Variants in LRRC56 observed in about 807,000 individuals in gnomAD.
LRRC56 encodes leucine rich repeat containing 56.
A neutral mutation model predicts 47.8 loss-of-function variants in LRRC56; 41 were observed. That is an observed-to-expected ratio of 0.86 (90% CI 0.67 to 1.11). The LOEUF (loss-of-function observed/expected upper bound fraction) is 1.11, where lower values mean the gene tolerates loss of function less well. Ranked by LOEUF, LRRC56 falls within the 50% of genes most tolerant of loss-of-function variation. LRRC56 has a pLI of 0.00. For missense variants in LRRC56, 759 were observed against 704.2 expected, an observed-to-expected ratio of 1.08 and a Z score of -0.88; for synonymous variants, 387 against 311.2, an observed-to-expected ratio of 1.24 and a Z score of -2.56.
upstream of LRRC56, chr11:535,566 C>A (rs1382465696): frequency 6.7e-6 from 1 of 149,410 alleles, no homozygotes; most frequent in Non-Finnish European, 1.5e-5. Context: ...GGCGGAGACT[C>A]GGGCGGGCCT....
chr11:525,106 A>AG, the LRRC56 span, among the ~76,000 whole-genome samples: 1 of 151,158 alleles, frequency 6.6e-6, no homozygotes, highest in East Asian at 1.9e-4. Context: ...AAAAAAAAAA[A>AG]AAATAGACAA....
chr11:511,945 C>T, the LRRC56 span, among the ~76,000 whole-genome samples: 4 of 151,630 alleles, frequency 2.6e-5, no homozygotes, highest in South Asian at 2.1e-4. Context: ...GGTTAGGAGG[C>T]GAATTTTTTT....
At position 549,982 on chromosome 11, in the gene LRRC56, C is replaced by G; in HGVS notation, c.407C>G (p.Ser136Cys). Residue 136 changes from serine to cysteine, a missense_variant, in exon 7 of 14, where the codon TCT (serine) becomes TGT (cysteine). Physicochemically the swap from Ser to Cys is moderately radical, Grantham distance 112. Coordinates refer to ENST00000270115, the MANE Select transcript of LRRC56 (RefSeq NM_198075.4). Reference protein sequence around the residue: ...CGLADLDGIASLPALKELYAS... With the variant: ...CGLADLDGIACLPALKELYAS... ...CTCGCTGACCTGGATGGCATCGCCTCTTTGCCAGCACTTAAGGTGAGTCTG... is the reference window on the plus strand; with the variant it reads ...CTCGCTGACCTGGATGGCATCGCCTGTTTGCCAGCACTTAAGGTGAGTCTG... 1 of 1,612,474 alleles carries G rather than the reference C, an allele frequency of 6.2e-7. No individual in the cohort carries two copies. The highest frequency in any genetic ancestry group is 1.7e-5 in the Admixed American group (1 of 59,976).
chr11:515,470 C>G, the LRRC56 span, among the ~76,000 whole-genome samples: 1 of 152,182 alleles, frequency 6.6e-6, no homozygotes, highest in Non-Finnish European at 1.5e-5. Context: ...ATTTCTCTAA[C>G]CCAAGTCACA....
At position 552,225 on chromosome 11, in the gene LRRC56, G is replaced by T; in HGVS notation, c.1174G>T (p.Gly392Cys). 2.5e-6 allele frequency: 4 copies of T among 1,609,404 alleles called. No individual in the cohort carries two copies. Among genetic ancestry groups the T allele is most frequent in the Non-Finnish European group, 3.4e-6 (4 of 1,177,460 alleles). The change falls in exon 12 of 14, where the codon GGC becomes TGC. Residue 392 changes from glycine (G) to cysteine (C), a missense_variant. Coordinates refer to ENST00000270115, the MANE Select transcript of LRRC56 (RefSeq NM_198075.4). ...LAGLRAWREH[G>C]VRPLPYRHPE... ...TGGGCTCAGGGCCTGGAGGGAACATGGCGTGCGGTGGGTGTCCCTCCAGCT... is the reference window on the plus strand; with the variant it reads ...TGGGCTCAGGGCCTGGAGGGAACATTGCGTGCGGTGGGTGTCCCTCCAGCT...
At chr11:517,416 C>G in the LRRC56 span, among the ~76,000 whole-genome samples, 1 of 151,828 alleles carries the variant, frequency 6.6e-6, no homozygotes, top group East Asian at 1.9e-4. Flanking sequence ...TGCCTGGCTG[C>G]CCCGTCTGGG....
rs764441573 is a variant in LRRC56, at chr11:551,658, C to G, written c.804C>G (p.Pro268=). Reference sequence around the variant, plus strand: ...CTTCTGAACCTCGGGCAGACTGTCCCCGTGGAGCCCCCATCCGGAGACTTG... The same window carrying G: ...CTTCTGAACCTCGGGCAGACTGTCCGCGTGGAGCCCCCATCCGGAGACTTG... ...KGNGLPPLDC[P]RGAPIRRLDP... Residue 268 remains proline (P), a synonymous_variant, in exon 10 of 14, where the codon CCC becomes CCG. Transcript: ENST00000270115. The G allele has an allele frequency of 6.4e-7, 1 of 1,570,300 alleles. No homozygotes were observed. Among genetic ancestry groups the G allele is most frequent in the South Asian group, 1.2e-5 (1 of 84,696 alleles).
the LRRC56 span, among the ~76,000 whole-genome samples, chr11:518,975 A>G: frequency 1.3e-5 from 2 of 151,870 alleles, no homozygotes; most frequent in Non-Finnish European, 2.9e-5. Flanking sequence ...CGGCCCCAAG[A>G]CGCGGCGCGC....
chr11:532,788 G>C (rs202082236), upstream of LRRC56: 1 of 1,606,844 alleles, frequency 6.2e-7, no homozygotes, highest in African/African-American at 1.3e-5. Context: ...AGGAGGGACC[G>C]GCCTGTGGCC....
At chr11:508,132 T>C in the LRRC56 span, among the ~76,000 whole-genome samples, 2 of 152,366 alleles carry the variant, frequency 1.3e-5, no homozygotes, top group Admixed American at 6.5e-5. Flanking sequence ...ATTTGTTCTT[T>C]AGCAATTTGC....
chr11:544,828 G>A (rs753823588), intron 6 of LRRC56, 48 bp downstream of exon 6: 37 of 1,521,684 alleles, frequency 2.4e-5, no homozygotes, highest in African/African-American at 1.1e-4. Context: ...GAGGGGGTCC[G>A]ATGGGACAGG....
At chr11:552,517 C>G in intron 12 of LRRC56, 52 bp from the exon 13 acceptor site, 1 of 1,497,166 alleles carries the variant, frequency 6.7e-7, no homozygotes, top group East Asian at 2.4e-5. Flanking sequence ...CCTATGTGTC[C>G]TGTCCCGTGG....
intron 6 of LRRC56, among the ~76,000 whole-genome samples, chr11:547,130 G>C (rs965622243): frequency 4.6e-5 from 7 of 151,930 alleles, no homozygotes; most frequent in Non-Finnish European, 1.0e-4. Context: ...TGCACAGGAG[G>C]CTGAGGCATG....
the LRRC56 span, among the ~76,000 whole-genome samples, chr11:515,980 T>C: frequency 6.6e-6 from 1 of 152,242 alleles, no homozygotes; most frequent in Admixed American, 6.5e-5. Context: ...TTGCTTACAC[T>C]TATTTCAAAA....
upstream of LRRC56, chr11:534,302 C>G (rs1851321186): frequency 1.2e-6 from 2 of 1,613,228 alleles, no homozygotes; most frequent in Non-Finnish European, 1.7e-6. Context: ...CGCCCACCAC[C>G]ACCAGCTTAT....
rs896601548 is a variant in LRRC56, at chr11:538,787, G to A, written c.-232G>A. 2 of 152,306 alleles carry A rather than the reference G, an allele frequency of 1.3e-5. No individual in the cohort carries two copies. The highest frequency in any genetic ancestry group is 2.9e-5 in the Non-Finnish European group (2 of 68,082). The allele number at this position is 152,306 out of a possible 1,614,324, so 9.4% of individuals were successfully genotyped here. A position where few individuals can be genotyped will look rare whatever the true frequency, so the allele number is the denominator to read the frequency against. ...CCTCCTGCGACTGTGGACAGCAGAGGAGCACGCAGGCCACGTGCAGGCCAC... is the reference window on the plus strand; with the variant it reads ...CCTCCTGCGACTGTGGACAGCAGAGAAGCACGCAGGCCACGTGCAGGCCAC... On this transcript the variant is annotated 5_prime_UTR_variant, in exon 2 of 14. Coordinates refer to ENST00000270115, the MANE Select transcript of LRRC56 (RefSeq NM_198075.4).
At chr11:533,111 G>A (rs1195617936), upstream of LRRC56, among the ~76,000 whole-genome samples, 1 of 152,232 alleles carries the variant, frequency 6.6e-6, no homozygotes, top group Non-Finnish European at 1.5e-5. Context: ...GACACTCTGG[G>A]GACAAGAGGG....
the LRRC56 span, among the ~76,000 whole-genome samples, chr11:525,365 C>T: frequency 2.0e-5 from 3 of 151,994 alleles, no homozygotes; most frequent in Admixed American, 6.6e-5. Context: ...CGGTGAAGCC[C>T]CATCTCTACT....
chr11:551,837 T>C lies in LRRC56; in HGVS notation c.973+10T>C. On this transcript the variant is annotated intron_variant, in intron 10 of 13. Transcript: ENST00000270115. Reference sequence around the variant, plus strand: ...AGCAGCCTCACCCATGGTAACTGACTTGCCTCAAAGCTGACCCTGCAGCCC... The same window carrying C: ...AGCAGCCTCACCCATGGTAACTGACCTGCCTCAAAGCTGACCCTGCAGCCC... 1 of 1,606,894 alleles carries C rather than the reference T, an allele frequency of 6.2e-7. No homozygotes were observed. The highest frequency in any genetic ancestry group is 8.5e-7 in the Non-Finnish European group (1 of 1,175,696).
Sources: allele counts gnomAD v4.1 joint callset (sites outside exome capture counted in the v4.1 genomes callset), GRCh38; gene constraint gnomAD v4.1.1; transcripts MANE v1.5; gene names NCBI Gene and HGNC (gene_info 2026-07-23, HGNC 2026-07-21).